DTWD2: variants seen among roughly 807,000 people sequenced by gnomAD.
DTWD2 encodes tRNA-uridine aminocarboxypropyltransferase 2.
Under a neutral mutation model 31.8 loss-of-function variants are expected in DTWD2, and 39 were observed. The observed-to-expected ratio is 1.22, with a 90% CI of 0.95 to 1.60. DTWD2 has a LOEUF of 1.60. Ranked by LOEUF, DTWD2 falls within the 40% of genes most tolerant of loss-of-function variation. The pLI is 0.00. For synonymous variants in DTWD2, 180 were observed against 142.8 expected (o/e 1.26, Z -1.86); for missense variants, 515 against 381.5 (o/e 1.35, Z -2.92).
At chr5:118,894,195 T>C in intron 4 of DTWD2, among the ~76,000 whole-genome samples, 1 of 152,164 alleles carries the variant, frequency 6.6e-6, no homozygotes, top group Non-Finnish European at 1.5e-5. Flanking sequence ...TCTAATCCAC[T>C]TTTAAACTCT....
intron 1 of DTWD2, among the ~76,000 whole-genome samples, chr5:118,982,895 G>A (rs1755336994): frequency 6.6e-6 from 1 of 151,748 alleles, no homozygotes; most frequent in Admixed American, 6.6e-5. Flanking sequence ...CACCATGCTG[G>A]TCAGGCTGGT....
rs2112662959 is a variant in DTWD2, at chr5:118,839,885, T to C, written c.*1032A>G. On this transcript the variant is annotated 3_prime_UTR_variant, in exon 6 of 6. Transcript: ENST00000510708. ...TCTATAAATAGTTACCAAGTTTACC[T>C]TTAAATGGCATGTTTAGTTTTTCCT... is the stretch of plus-strand genomic sequence containing the variant. The C allele has an allele frequency of 6.6e-6, 1 of 152,294 alleles. No individual in the cohort carries two copies. Among genetic ancestry groups the C allele is most frequent in the Non-Finnish European group, 1.5e-5 (1 of 68,016 alleles). The allele number at this position is 152,294 out of a possible 1,614,324, so 9.4% of individuals were successfully genotyped here.
At chr5:118,889,053 C>T (rs1264472452) in intron 4 of DTWD2, among the ~76,000 whole-genome samples, 1 of 152,088 alleles carries the variant, frequency 6.6e-6, no homozygotes, top group Admixed American at 6.6e-5. Flanking sequence ...TCTTTTCATT[C>T]TCTTAATGTA....
At chr5:118,859,883 C>A (rs866880381) in intron 4 of DTWD2, among the ~76,000 whole-genome samples, 68 of 152,138 alleles carry the variant, frequency 4.5e-4, no homozygotes, top group African/African-American at 1.6e-3. Flanking sequence ...TTTGGGAGGC[C>A]AAGACAGGAG....
chr5:118,935,529 C>T (rs1331508922), intron 3 of DTWD2, among the ~76,000 whole-genome samples: 1 of 152,120 alleles, frequency 6.6e-6, no homozygotes, highest in Non-Finnish European at 1.5e-5. Flanking sequence ...TGCTTGCTTG[C>T]TCGCTCGCTT....
At chr5:118,903,496 A>C (rs1753260958) in intron 4 of DTWD2, among the ~76,000 whole-genome samples, 1 of 152,028 alleles carries the variant, frequency 6.6e-6, no homozygotes, top group African/African-American at 2.4e-5. Flanking sequence ...AAATATTCCA[A>C]TTGCACACAG....
intron 4 of DTWD2, among the ~76,000 whole-genome samples, chr5:118,926,601 A>G (rs979837719): frequency 7.2e-5 from 11 of 152,208 alleles, no homozygotes; most frequent in African/African-American, 2.7e-4. Flanking sequence ...AACTTATATC[A>G]ATGTTACTGA....
At chr5:118,921,055 C>T (rs972495289) in intron 4 of DTWD2, among the ~76,000 whole-genome samples, 3 of 152,134 alleles carry the variant, frequency 2.0e-5, no homozygotes, top group Non-Finnish European at 4.4e-5. Context: ...ATATCCTATT[C>T]TATCACACAA....
Position 118,878,666 on chromosome 5 carries a change from A to T in DTWD2, c.598-30448T>A, listed in dbSNP as rs186307196. ...ACAAAAGCAAAAATTGACAAATGGG[A>T]TCTAATTAAACTGAAGAGTTTCTGC... On this transcript the variant is annotated intron_variant, in intron 4 of 5. Coordinates refer to ENST00000510708, the MANE Select transcript of DTWD2 (RefSeq NM_173666.4). 3.0e-3 allele frequency among the ~76,000 whole-genome samples: 459 copies of T among 152,320 alleles called. 3 individuals carry two copies. Among genetic ancestry groups the T allele is most frequent in the Admixed American group, 7.1e-3 (108 of 15,306 alleles).
At chr5:118,956,773 C>T (rs1052278498) in intron 1 of DTWD2, among the ~76,000 whole-genome samples, 1 of 152,112 alleles carries the variant, frequency 6.6e-6, no homozygotes, top group Non-Finnish European at 1.5e-5. Flanking sequence ...CAATACTCAA[C>T]AAAATTTTTA....
chr5:118,854,359 C>A (rs1752082450), intron 4 of DTWD2, among the ~76,000 whole-genome samples: 1 of 151,782 alleles, frequency 6.6e-6, no homozygotes, highest in Non-Finnish European at 1.5e-5. Context: ...AACCTTATGT[C>A]AAAATATTGT....
intron 4 of DTWD2, among the ~76,000 whole-genome samples, chr5:118,897,382 G>A (rs926026739): frequency 1.3e-5 from 2 of 152,180 alleles, no homozygotes; most frequent in African/African-American, 4.8e-5. Flanking sequence ...TAGTCACCTA[G>A]GCACCCTTTG....
intron 4 of DTWD2, among the ~76,000 whole-genome samples, chr5:118,874,040 A>G (rs1352591524): frequency 6.6e-6 from 1 of 152,218 alleles, no homozygotes; most frequent in African/African-American, 2.4e-5. Context: ...TCTGGGTGCA[A>G]TACAAGTCCC....
chr5:118,862,229 C>T (rs1250647185), intron 4 of DTWD2, among the ~76,000 whole-genome samples: 1 of 152,200 alleles, frequency 6.6e-6, no homozygotes. Flanking sequence ...AACCATCGCT[C>T]CATTCGTGGA....
intron 4 of DTWD2, among the ~76,000 whole-genome samples, chr5:118,902,393 A>G (rs1753232561): frequency 6.6e-6 from 1 of 152,168 alleles, no homozygotes; most frequent in African/African-American, 2.4e-5. Flanking sequence ...ACCATAATCT[A>G]TTTATACTTT....
intron 3 of DTWD2, among the ~76,000 whole-genome samples, chr5:118,938,396 T>C (rs1034390319): frequency 2.6e-5 from 4 of 152,216 alleles, no homozygotes; most frequent in Admixed American, 6.5e-5. Context: ...TCTTATATAC[T>C]AGAGGCAAAA....
intron 4 of DTWD2, among the ~76,000 whole-genome samples, chr5:118,901,945 T>C (rs1400310770): frequency 6.6e-6 from 1 of 152,158 alleles, no homozygotes; most frequent in Non-Finnish European, 1.5e-5. Flanking sequence ...AAACTCATAA[T>C]TAAATCAGGT....
rs994425168 is a variant in DTWD2, at chr5:118,964,565, G to A, written c.219-19916C>T. ...CCTGATGCTCCTGCCTCAGCCTGCC[G>A]AATGCCTGCGATTGCAGGCGCGTGC... On this transcript the variant is annotated intron_variant, in intron 1 of 5. Transcript: ENST00000510708. Among the ~76,000 whole-genome samples, 11 of 152,204 alleles carry A rather than the reference G, an allele frequency of 7.2e-5. No individual in the cohort carries two copies. In the South Asian group the frequency reaches 2.1e-3, roughly 29 times the overall value.
intron 1 of DTWD2, among the ~76,000 whole-genome samples, chr5:118,965,614 T>C (rs369121446): frequency 6.6e-6 from 1 of 152,364 alleles, no homozygotes; most frequent in South Asian, 2.1e-4. Context: ...TGTTGGGGTA[T>C]GGTGTAAGAT....
Sources: gnomAD v4.1 joint callset for allele counts (sites outside exome capture counted in the v4.1 genomes callset) on GRCh38, gnomAD v4.1.1 for gene constraint, MANE v1.5 for transcripts, NCBI Gene and HGNC (gene_info 2026-07-23, HGNC 2026-07-21) for gene names.